The following CRTC3 variants were observed in gnomAD, a reference collection of about 807,000 sequenced individuals.
CRTC3 encodes CREB-regulated transcription coactivator 3.
In CRTC3, 26 loss-of-function variants were observed where a neutral mutation model predicts 74.5. The observed-to-expected ratio is 0.35, with a 90% CI of 0.26 to 0.48. CRTC3 has a LOEUF of 0.48. CRTC3 is among the 20% of genes least tolerant of loss of function. The probability of loss-of-function intolerance (pLI) is 0.99; values close to 1 mark genes in which losing one functional copy is unlikely to be tolerated. For missense variants in CRTC3, 760 were observed against 787.3 expected, an observed-to-expected ratio of 0.97 and a Z score of 0.41; for synonymous variants, 377 against 325.8, an observed-to-expected ratio of 1.16 and a Z score of -1.69.
At chr15:90,598,114 A>G (rs1234401327) in intron 3 of CRTC3, 3 of 294,260 alleles carry the variant, frequency 1.0e-5, no homozygotes, top group Non-Finnish European at 6.5e-6. Flanking sequence ...GGCCTGCCCC[A>G]CAAACTGTGT....
chr15:90,553,718 G>A (rs1201720464), intron 2 of CRTC3, among the ~76,000 whole-genome samples: 1 of 152,146 alleles, frequency 6.6e-6, no homozygotes, highest in Non-Finnish European at 1.5e-5. Flanking sequence ...TGGAGGGGCA[G>A]CAATAGCATG....
intron 11 of CRTC3, among the ~76,000 whole-genome samples, chr15:90,633,923 T>C (rs745792458): frequency 6.6e-6 from 1 of 152,110 alleles, no homozygotes; most frequent in Non-Finnish European, 1.5e-5. Flanking sequence ...TTTTTTGTTC[T>C]CTGAGTGTTC....
At chr15:90,539,795 C>T (rs1966774626) in intron 1 of CRTC3, 2 of 456,124 alleles carry the variant, frequency 4.4e-6, no homozygotes, top group South Asian at 5.1e-5. Context: ...ACTCAAAGAC[C>T]TTGCAAGAGG....
chr15:90,638,959 A>T (rs1189252668), intron 13 of CRTC3, 144 bp downstream of exon 13: 2 of 713,450 alleles, frequency 2.8e-6, no homozygotes, highest in Non-Finnish European at 4.8e-6. Flanking sequence ...AGAGCCTTTC[A>T]TCTTCTTTGG....
intron 2 of CRTC3, among the ~76,000 whole-genome samples, chr15:90,591,622 G>A (rs754327718): frequency 6.6e-6 from 1 of 152,192 alleles, no homozygotes. Context: ...TTCAAGACCA[G>A]TCTGGCCAAA....
chr15:90,589,941 T>C (rs981572394), intron 2 of CRTC3, among the ~76,000 whole-genome samples: 2 of 149,826 alleles, frequency 1.3e-5, no homozygotes, highest in African/African-American at 4.9e-5. Flanking sequence ...GAGCCAAGAT[T>C]GCACCACACT....
chr15:90,559,642 C>T (rs895327009), intron 2 of CRTC3, among the ~76,000 whole-genome samples: 2 of 152,012 alleles, frequency 1.3e-5, no homozygotes, highest in Middle Eastern at 3.4e-3. Flanking sequence ...GTTTGTTTTT[C>T]GAGGCAAGGT....
chr15:90,576,952 A>G (rs973841409), intron 2 of CRTC3, among the ~76,000 whole-genome samples: 15 of 152,152 alleles, frequency 9.9e-5, no homozygotes, highest in Admixed American at 9.2e-4. Context: ...GAGGAATAGG[A>G]TGATGCAGCA....
chr15:90,627,231 A>G (rs916226681), intron 10 of CRTC3, among the ~76,000 whole-genome samples: 4 of 152,114 alleles, frequency 2.6e-5, no homozygotes, highest in Non-Finnish European at 4.4e-5. Context: ...GAACACCTTT[A>G]TTTTTGTTTT....
chr15:90,618,077 A>G (rs781120011), intron 8 of CRTC3, 109 bp downstream of exon 8: 175 of 682,224 alleles, frequency 2.6e-4, no homozygotes, highest in Non-Finnish European at 4.3e-4. Flanking sequence ...GAAAAGGAGA[A>G]GATTTGTCTG....
intron 2 of CRTC3, among the ~76,000 whole-genome samples, chr15:90,566,522 C>G (rs1170860018): frequency 2.0e-5 from 3 of 147,066 alleles, no homozygotes; most frequent in African/African-American, 7.5e-5. Context: ...TGCGCTCCAG[C>G]CTGGGTGACA....
intron 3 of CRTC3, 121 bp from the exon 4 acceptor site, chr15:90,602,203 A>T: frequency 1.1e-5 from 7 of 653,700 alleles, no homozygotes; most frequent in South Asian, 1.0e-4. Flanking sequence ...ATGAAGGAAG[A>T]GCTGTCAGGT....
At chr15:90,602,835 A>C (rs555792581) in intron 4 of CRTC3, among the ~76,000 whole-genome samples, 1 of 150,668 alleles carries the variant, frequency 6.6e-6, no homozygotes, top group Non-Finnish European at 1.5e-5. Context: ...TTAGCTGGGC[A>C]TGACAGCACA....
At chr15:90,542,237 A>G (rs1966814906) in intron 2 of CRTC3, among the ~76,000 whole-genome samples, 2 of 148,894 alleles carry the variant, frequency 1.3e-5, no homozygotes, top group Non-Finnish European at 3.0e-5. Context: ...GGAGTGCAAT[A>G]GCGCGATCTC....
At chr15:90,612,026 A>ACTCCTCCTCCTCCTC in intron 6 of CRTC3, among the ~76,000 whole-genome samples, 1 of 51,242 alleles carries the variant, frequency 2.0e-5, no homozygotes, top group East Asian at 7.2e-4. Context: ...ACCACCCCCC[A>ACTCCTCCTCCTCCTC]CTCCTCCTCC....
At chr15:90,622,506 C>T (rs1258841956) in intron 9 of CRTC3, among the ~76,000 whole-genome samples, 2 of 152,162 alleles carry the variant, frequency 1.3e-5, no homozygotes, top group Non-Finnish European at 2.9e-5. Flanking sequence ...TTTTATTTTT[C>T]TAGTCCTTGA....
At chr15:90,599,898 CAG>C (rs1468604696) in intron 3 of CRTC3, among the ~76,000 whole-genome samples, 2 of 152,206 alleles carry the variant, frequency 1.3e-5, no homozygotes, top group Non-Finnish European at 2.9e-5. Context: ...CGTTTCTGAA[CAG>C]AGATTCATCA....
intron 2 of CRTC3, among the ~76,000 whole-genome samples, chr15:90,566,872 G>A (rs1326600102): frequency 1.3e-5 from 2 of 151,794 alleles, no homozygotes; most frequent in Non-Finnish European, 2.9e-5. Context: ...CACCACACCT[G>A]GCTAATTTTT....
chr15:90,621,284 TC>T (rs1254172896), intron 9 of CRTC3, among the ~76,000 whole-genome samples: 1 of 152,202 alleles, frequency 6.6e-6, no homozygotes, highest in Non-Finnish European at 1.5e-5. Flanking sequence ...ACTTTAGCCC[TC>T]AAGAGGTTTT....
Sources: gnomAD v4.1 joint callset for allele counts (sites outside exome capture counted in the v4.1 genomes callset) on GRCh38, gnomAD v4.1.1 for gene constraint, MANE v1.5 for transcripts, NCBI Gene and HGNC (gene_info 2026-07-23, HGNC 2026-07-21) for gene names.